The following GIT2 variants were observed in gnomAD, a reference collection of about 807,000 sequenced individuals.
GIT2 encodes ARF GTPase-activating protein GIT2.
Under a neutral mutation model 100.3 loss-of-function variants are expected in GIT2, and 32 were observed. The observed-to-expected ratio is 0.32, with a 90% CI of 0.24 to 0.43. The LOEUF (loss-of-function observed/expected upper bound fraction) is 0.43, where lower values mean the gene tolerates loss of function less well. Among genes scored for constraint, GIT2 ranks in the 20% least tolerant of loss-of-function variants. GIT2 has a pLI of 1.00. For synonymous variants in GIT2, 353 were observed against 364.1 expected (o/e 0.97, Z 0.35); for missense variants, 737 against 975.1 (o/e 0.76, Z 3.25).
At chr12:109,953,349 T>C in intron 12 of GIT2, 115 bp from the exon 13 acceptor site, 1 of 981,316 alleles carries the variant, frequency 1.0e-6, no homozygotes, top group Non-Finnish European at 1.6e-6. Flanking sequence ...GGCTGAATGC[T>C]GTGCTCTTGC....
At chr12:109,938,692 C>T (rs1873732052) in intron 17 of GIT2, 124 bp from the exon 18 acceptor site, 1 of 667,804 alleles carries the variant, frequency 1.5e-6, no homozygotes. Context: ...TTTCCTTTAT[C>T]CTGTCTAGCA....
chr12:109,954,370 G>A (rs1593008670), intron 12 of GIT2: 1 of 152,180 alleles, frequency 6.6e-6, no homozygotes, highest in Admixed American at 6.5e-5. Flanking sequence ...AAGAGATAAA[G>A]GAGAATGAAT....
At position 109,989,741 on chromosome 12, in the gene GIT2, G is replaced by C; in HGVS notation, c.248C>G (p.Pro83Arg). The change falls in exon 3 of 20, where the codon CCT becomes CGT. Residue 83 changes from proline to arginine, a missense_variant. By Grantham distance (103) the Pro-to-Arg change is moderately radical (BLOSUM62 -2). Around this residue, in one of 3 missense-constraint regions of GIT2, gnomAD observed 266 missense variants for 376.2 expected, o/e 0.71. Transcript: ENST00000355312. ...ACGTCTTCCACTCATAATAGACGCA[G>C]GGTCCAGCAAAGAATGCTCCCATAT... ...NSIWEHSLLD[P>R]ASIMSGRRKA... 1 of 1,606,662 alleles carries C rather than the reference G, an allele frequency of 6.2e-7. No individual in the cohort carries two copies. Among genetic ancestry groups the C allele is most frequent in the Non-Finnish European group, 8.5e-7 (1 of 1,173,356 alleles).
chr12:109,952,813 A>T (rs940435775), intron 13 of GIT2: 42 of 510,066 alleles, frequency 8.2e-5, no homozygotes, highest in African/African-American at 7.1e-4. Context: ...GAAAGGGACG[A>T]GGCCTCATTC....
chr12:109,976,107 C>CACACACACACACACAA (rs1224500313), intron 7 of GIT2, among the ~76,000 whole-genome samples: 9 of 148,246 alleles, frequency 6.1e-5, no homozygotes, highest in Admixed American at 6.1e-4. Flanking sequence ...AATTACTATA[C>CACACACACACACACAA]ACACACACAC....
Position 109,947,259 on chromosome 12 carries a change from C to T in GIT2, c.1638G>A (p.Ala546=), listed in dbSNP as rs371529091. The change falls in exon 15 of 20, where the codon GCG becomes GCA. Residue 546 remains alanine, a synonymous_variant. Transcript: ENST00000355312. The surrounding 1 kb of genome is among the most constrained non-coding windows in gnomAD (Gnocchi z 4.3). ...ESRMRLQPFP[A]HIGRSALVTS... ...AAGCGCCAGTGGTGTTACTTACGTG[C>T]GCGGGGAAGGGCTGGAGTCTCATCC... is the stretch of plus-strand genomic sequence containing the variant. 38 of 1,612,120 alleles carry T rather than the reference C, an allele frequency of 2.4e-5. No individual in the cohort carries two copies. Among genetic ancestry groups the T allele is most frequent in the African/African-American group, 9.3e-5 (7 of 74,868 alleles).
chr12:109,978,741 C>T (rs1359019576), intron 7 of GIT2, among the ~76,000 whole-genome samples: 2 of 152,046 alleles, frequency 1.3e-5, no homozygotes, highest in Non-Finnish European at 2.9e-5. Context: ...TTCTATATTC[C>T]TGTTTGTTTC....
chr12:109,972,540 C>G (rs912270800), intron 7 of GIT2, among the ~76,000 whole-genome samples: 3 of 151,846 alleles, frequency 2.0e-5, no homozygotes, highest in African/African-American at 7.3e-5. Flanking sequence ...GCAATCTCAG[C>G]TCACTGCAAC....
intron 16 of GIT2, among the ~76,000 whole-genome samples, chr12:109,945,032 G>A (rs1875899854): frequency 6.6e-6 from 1 of 152,180 alleles, no homozygotes; most frequent in Non-Finnish European, 1.5e-5. Context: ...TGTTAAATAT[G>A]ACGTGAACAT....
At position 109,991,167 on chromosome 12, in the gene GIT2, G is replaced by A. The variant is rs369838898; in HGVS notation, c.186+460C>T. 2.7e-4 allele frequency among the ~76,000 whole-genome samples: 41 copies of A among 152,154 alleles called. 1 individual carries two copies. Among genetic ancestry groups the A allele is most frequent in the East Asian group, 7.7e-4 (4 of 5,176 alleles). ...TCTACTAAAAATACAAAAATTAGCC[G>A]GGCATGATGGCGGGTGCCTGTAATC... On this transcript the variant is annotated intron_variant, in intron 2 of 19. Transcript: ENST00000355312.
chr12:109,999,344 G>A (rs1889810200), upstream of GIT2: 1 of 157,636 alleles, frequency 6.3e-6, no homozygotes, highest in Non-Finnish European at 1.4e-5. The surrounding 1 kb of genome is among the most constrained non-coding windows in gnomAD (Gnocchi z 4.3). Context: ...GCGGACCCCG[G>A]ACCCGGTGCC....
At chr12:109,984,129 G>A (rs1886876387) in intron 4 of GIT2, among the ~76,000 whole-genome samples, 1 of 152,118 alleles carries the variant, frequency 6.6e-6, no homozygotes, top group Admixed American at 6.5e-5. Context: ...GTCAACAATG[G>A]CCAGATGCAG....
At chr12:109,976,651 C>T (rs1259290443) in intron 7 of GIT2, among the ~76,000 whole-genome samples, 8 of 149,456 alleles carry the variant, frequency 5.4e-5, no homozygotes, top group South Asian at 2.1e-4. Context: ...TGCAGTGGCA[C>T]GATCTCGGCT....
In GIT2 at chr12:109,989,012, C is replaced by T. The variant is rs766905782; in HGVS notation, c.356G>A (p.Arg119His). 3.1e-6 allele frequency: 5 copies of T among 1,612,596 alleles called. No individual in the cohort carries two copies. The highest frequency in any genetic ancestry group is 1.7e-5 in the Admixed American group (1 of 59,974). ...ACTATCGTCATCCCGGCAGGGCAAG[C>T]GATGGACGAACGCTAACATCTGATA... Reference protein sequence around the residue: ...AKYQMLAFVHRLPCRDDDSVT... With the variant: ...AKYQMLAFVHHLPCRDDDSVT... Residue 119 changes from arginine (R) to histidine (H), a missense_variant, in exon 4 of 20, where the codon CGC becomes CAC. Physicochemically the swap from Arg to His is conservative, Grantham distance 29. Coordinates refer to ENST00000355312, the MANE Select transcript of GIT2 (RefSeq NM_057169.5).
In GIT2 at chr12:109,947,539, T is replaced by C. The variant is rs755546310; in HGVS notation, c.1393-35A>G. On this transcript the variant is annotated intron_variant, in intron 14 of 19. Coordinates refer to ENST00000355312, the MANE Select transcript of GIT2 (RefSeq NM_057169.5). This position sits in a 1 kb window ranked among gnomAD's most constrained non-coding sequence, Gnocchi z 4.3. Reference sequence around the variant, plus strand: ...ATGTTTGGCAGTGGGACTGTGTTTTTTTACAGCAAGCAGAAAAAGCAAACA... The same window carrying C: ...ATGTTTGGCAGTGGGACTGTGTTTTCTTACAGCAAGCAGAAAAAGCAAACA... The C allele has an allele frequency of 1.9e-6, 3 of 1,595,388 alleles. No homozygotes were observed. The highest frequency in any genetic ancestry group is 1.1e-5 in the South Asian group (1 of 89,150).
intron 13 of GIT2, chr12:109,952,643 C>G: frequency 1.9e-6 from 1 of 519,562 alleles, no homozygotes; most frequent in East Asian, 5.4e-5. Flanking sequence ...TCCCTTGAGG[C>G]GCATCTTAAG....
rs112819417 is a variant in GIT2 at position 109,953,098 on chromosome 12, C to T, written c.1236G>A (p.Arg412=). The T allele has an allele frequency of 5.4e-4, 877 of 1,614,154 alleles. 4 individuals are homozygous for T. In the African/African-American group the frequency reaches 0.01, roughly 19 times the overall value. The change falls in exon 13 of 20, where the codon CGG becomes CGA. Residue 412 remains arginine (R), a synonymous_variant. Coordinates refer to ENST00000355312, the MANE Select transcript of GIT2 (RefSeq NM_057169.5). The part of the protein sequence containing the change: ...DLETTASKTN[R]QKSLDSDLSD... ...GGGACGCATGGCCTCTCACCTTCTGCCGGTTTGTTTTGCTTGCAGTGGTTT... is the reference window on the plus strand; with the variant it reads ...GGGACGCATGGCCTCTCACCTTCTGTCGGTTTGTTTTGCTTGCAGTGGTTT...
At chr12:109,939,582 G>A in intron 16 of GIT2, 1 of 188,468 alleles carries the variant, frequency 5.3e-6, no homozygotes, top group South Asian at 8.5e-5. Context: ...AGGGTGTGGT[G>A]GCTCACACCT....
Position 109,948,224 on chromosome 12 carries a change from C to T in GIT2, c.1393-720G>A. On this transcript the variant is annotated intron_variant, in intron 14 of 19. Coordinates refer to ENST00000355312, the MANE Select transcript of GIT2 (RefSeq NM_057169.5). This position sits in a 1 kb window ranked among gnomAD's most constrained non-coding sequence, Gnocchi z 4.3. Reference sequence around the variant, plus strand: ...ACCTATTGATCTATGGAATTGACATCTTCGCATGGATGCTCCACGCAGCAC... The same window carrying T: ...ACCTATTGATCTATGGAATTGACATTTTCGCATGGATGCTCCACGCAGCAC... The T allele has an allele frequency of 2.0e-6, 2 of 985,676 alleles. No individual in the cohort carries two copies. The highest frequency in any genetic ancestry group is 2.4e-6 in the Non-Finnish European group (2 of 830,090). 61.1% of individuals were successfully genotyped at this position (985,676 alleles called of 1,614,324 possible). A position where few individuals can be genotyped will look rare whatever the true frequency, so the allele number is the denominator to read the frequency against.
Sources: gnomAD v4.1 joint callset for allele counts (sites outside exome capture counted in the v4.1 genomes callset) on GRCh38, gnomAD v4.1.1 for gene constraint, gnomAD v4.1.1 regional missense constraint, Gnocchi (gnomAD v3.1) non-coding constraint, MANE v1.5 for transcripts, NCBI Gene and HGNC (gene_info 2026-07-23, HGNC 2026-07-21) for gene names.